Variants in TBL1X observed in about 807,000 individuals in gnomAD.
TBL1X encodes the protein F-box-like/WD repeat-containing protein TBL1X.
A neutral mutation model predicts 50.7 loss-of-function variants in TBL1X; 10 were observed. The observed-to-expected ratio is 0.20, with a 90% confidence interval of 0.12 to 0.33. TBL1X has a LOEUF of 0.33. Ranked by LOEUF, TBL1X falls within the 10% of genes least tolerant of loss-of-function variation. The pLI, the probability that TBL1X is intolerant of heterozygous loss-of-function variation, is 1.00. For missense variants in TBL1X, 340 were observed against 504.4 expected, an observed-to-expected ratio of 0.67 and a Z score of 3.12; for synonymous variants, 190 against 214.7, an observed-to-expected ratio of 0.88 and a Z score of 1.01.
rs1381766192 is a variant in TBL1X, at chrX:9,703,803, C to CCTGCAG, written c.1115-1184_1115-1179dup. On this transcript the variant is annotated intron_variant, in intron 12 of 17. Transcript: ENST00000645353. The stretch of plus-strand genomic sequence containing the variant: ...AGCTGAGACTCCAGGAAGCCGTCAA[C>CCTGCAG]CTGCAGCTGCACATCAGTAAAGAGG... Among the ~76,000 whole-genome samples, 6 of 112,010 alleles carry CCTGCAG rather than the reference C, an allele frequency of 5.4e-5. No individual in the cohort carries two copies. In the Admixed American group the frequency reaches 5.7e-4, roughly 11 times the overall value.
At chrX:9,627,096 G>A (rs921217304) in intron 2 of TBL1X, among the ~76,000 whole-genome samples, 1 of 112,014 alleles carries the variant, frequency 8.9e-6, no homozygotes, top group Non-Finnish European at 1.9e-5. Context: ...CATATTGAAG[G>A]CAGGAGCCAC....
intron 2 of TBL1X, among the ~76,000 whole-genome samples, chrX:9,578,541 A>G (rs1358373855): frequency 1.8e-5 from 2 of 111,595 alleles, no homozygotes; most frequent in Non-Finnish European, 3.8e-5. Flanking sequence ...GCACGAGGAG[A>G]CGGGACAGCA....
intron 1 of TBL1X, among the ~76,000 whole-genome samples, chrX:9,487,496 C>T (rs1345867260): frequency 8.9e-6 from 1 of 111,952 alleles, no homozygotes. Context: ...AATGTTCTGT[C>T]AAAACCCCAG....
At chrX:9,634,557 G>T (rs1426762742) in intron 2 of TBL1X, among the ~76,000 whole-genome samples, 2 of 110,979 alleles carry the variant, frequency 1.8e-5, no homozygotes, top group African/African-American at 6.6e-5. Flanking sequence ...TTGCTATGTT[G>T]CCCAGACTGG....
At chrX:9,482,594 G>A (rs142876531) in intron 1 of TBL1X, among the ~76,000 whole-genome samples, 1,170 of 111,775 alleles carry the variant, frequency 0.01, 20 homozygotes, top group African/African-American at 0.037. Context: ...TCATACACCC[G>A]TGAGTACATG....
At chrX:9,631,247 C>G (rs2082720072) in intron 2 of TBL1X, among the ~76,000 whole-genome samples, 1 of 111,572 alleles carries the variant, frequency 9.0e-6, no homozygotes, top group East Asian at 2.8e-4. Flanking sequence ...CCCCAGTATT[C>G]AGCCTGGTAC....
intron 2 of TBL1X, among the ~76,000 whole-genome samples, chrX:9,568,164 C>T (rs193076706): frequency 4.0e-4 from 45 of 111,924 alleles, no homozygotes; most frequent in African/African-American, 1.3e-3. Flanking sequence ...TGAGAACCCC[C>T]AAAGACGCCA....
chrX:9,538,954 T>A (rs913369937), intron 2 of TBL1X, among the ~76,000 whole-genome samples: 1 of 112,512 alleles, frequency 8.9e-6, no homozygotes, highest in Non-Finnish European at 1.9e-5. Flanking sequence ...GGCTTAGCTG[T>A]CCTTGCCAGC....
chrX:9,581,288 T>G (rs1211694424), intron 2 of TBL1X, among the ~76,000 whole-genome samples: 3 of 112,058 alleles, frequency 2.7e-5, no homozygotes, highest in Non-Finnish European at 5.6e-5. Context: ...TGCTTCCATA[T>G]CTATACATTC....
intron 2 of TBL1X, among the ~76,000 whole-genome samples, chrX:9,625,805 G>A (rs769794279): frequency 8.9e-6 from 1 of 112,142 alleles, no homozygotes; most frequent in South Asian, 3.8e-4. Context: ...TGGGCACGGT[G>A]GCAGGCGCCT....
At chrX:9,612,755 C>T (rs370697715) in intron 2 of TBL1X, among the ~76,000 whole-genome samples, 3 of 111,188 alleles carry the variant, frequency 2.7e-5, no homozygotes, top group East Asian at 5.7e-4. Context: ...CTATTCCCTA[C>T]GATCCACTTA....
At chrX:9,466,742 C>T (rs1173639935) in intron 1 of TBL1X, among the ~76,000 whole-genome samples, 1 of 111,925 alleles carries the variant, frequency 8.9e-6, no homozygotes. Context: ...CAAGTCCTTC[C>T]TAGAAAAGAT....
intron 2 of TBL1X, among the ~76,000 whole-genome samples, chrX:9,523,559 C>CT (rs757904096): frequency 2.5e-4 from 28 of 112,753 alleles, no homozygotes; most frequent in African/African-American, 7.4e-4. Flanking sequence ...TTTCTCCACT[C>CT]TGGTGTCTCC....
At chrX:9,635,586 C>T (rs1461548889) in intron 2 of TBL1X, among the ~76,000 whole-genome samples, 3 of 112,085 alleles carry the variant, frequency 2.7e-5, no homozygotes, top group South Asian at 7.4e-4. Flanking sequence ...GCTTGTCAGA[C>T]AGACAGTGCT....
chrX:9,479,938 ATG>A (rs112927270), intron 1 of TBL1X, among the ~76,000 whole-genome samples: 8,122 of 94,852 alleles, frequency 0.086, 277 homozygotes, highest in South Asian at 0.25. Context: ...GGAAAGTAGA[ATG>A]TGTGTGTGTG....
intron 12 of TBL1X, among the ~76,000 whole-genome samples, chrX:9,700,542 A>G (rs60428198): frequency 0.016 from 1,818 of 111,437 alleles, 37 homozygotes; most frequent in African/African-American, 0.056. Flanking sequence ...CAGGTCAGAC[A>G]TATCTAGGCG....
intron 5 of TBL1X, among the ~76,000 whole-genome samples, chrX:9,659,748 G>A (rs6654900): frequency 0.081 from 9,057 of 111,748 alleles, 903 homozygotes; most frequent in African/African-American, 0.28. Flanking sequence ...TTTTATAGAC[G>A]TGAGTTGAGT....
intron 1 of TBL1X, among the ~76,000 whole-genome samples, chrX:9,477,441 T>C (rs2081855472): frequency 1.8e-5 from 2 of 112,247 alleles, no homozygotes; most frequent in South Asian, 7.4e-4. Context: ...ACCACTGAGT[T>C]GGGCAGTTAC....
At chrX:9,672,160 A>C (rs1286260046) in intron 5 of TBL1X, among the ~76,000 whole-genome samples, 1 of 112,432 alleles carries the variant, frequency 8.9e-6, no homozygotes, top group Admixed American at 9.4e-5. Context: ...ATTCTGTTGA[A>C]GATGCACATA....
Sources: gnomAD v4.1 joint callset for allele counts (sites outside exome capture counted in the v4.1 genomes callset) on GRCh38, gnomAD v4.1.1 for gene constraint, MANE v1.5 for transcripts, NCBI Gene and HGNC (gene_info 2026-07-23, HGNC 2026-07-21) for gene names.